NRXN3: variants seen among roughly 807,000 people sequenced by gnomAD.
NRXN3 encodes neurexin 3, also known as neurexin III.
Under a neutral mutation model 137.6 loss-of-function variants are expected in NRXN3, and 32 were observed. That is an observed-to-expected ratio of 0.23 (90% CI 0.18 to 0.31). NRXN3 has a LOEUF of 0.31. NRXN3 is among the 10% of genes least tolerant of loss of function. The probability of loss-of-function intolerance (pLI) is 1.00; values close to 1 mark genes in which losing one functional copy is unlikely to be tolerated. For missense variants in NRXN3, 1,574 were observed against 2,062.5 expected, an observed-to-expected ratio of 0.76 and a Z score of 4.59; for synonymous variants, 798 against 784.5, an observed-to-expected ratio of 1.02 and a Z score of -0.29.
intron 15 of NRXN3, among the ~76,000 whole-genome samples, chr14:79,115,357 C>T (rs2054269446): frequency 6.7e-6 from 1 of 148,282 alleles, no homozygotes; most frequent in African/African-American, 2.5e-5. Context: ...AAAGCCCAAA[C>T]TAAACATATC....
At chr14:78,680,436 AC>A (rs2098062795) in intron 6 of NRXN3, among the ~76,000 whole-genome samples, 1 of 152,210 alleles carries the variant, frequency 6.6e-6, no homozygotes, top group Non-Finnish European at 1.5e-5. Flanking sequence ...CATATTGTAA[AC>A]CTTAAAAAAT....
chr14:79,335,761 C>T (rs1318438237), intron 15 of NRXN3, among the ~76,000 whole-genome samples: 1 of 151,942 alleles, frequency 6.6e-6, no homozygotes. Context: ...TTTTATATAA[C>T]CCCAGCTGCT....
chr14:79,607,673 A>ATT lies in NRXN3; in HGVS notation c.3445-56089_3445-56088dup, dbSNP rs10714829. On this transcript the variant is annotated intron_variant, in intron 16 of 20. Transcript: ENST00000335750. ...CCACATATTTAAATGTTAATCTACA[A>ATT]TTTTTTTTTTTTTTTTTGAGACAGG... 4.3e-3 allele frequency among the ~76,000 whole-genome samples: 616 copies of ATT among 141,628 alleles called. 4 individuals are homozygous for ATT. The highest frequency in any genetic ancestry group is 0.01 in the African/African-American group (390 of 38,272). 92.9% of individuals were successfully genotyped at this position (141,628 alleles called of 152,430 possible).
intron 19 of NRXN3, among the ~76,000 whole-genome samples, chr14:79,736,726 C>G (rs10140468): frequency 0.056 from 8,524 of 152,128 alleles, 797 homozygotes; most frequent in African/African-American, 0.2. Flanking sequence ...GTGAGGATGT[C>G]GAGTGAATGA....
At chr14:79,303,607 G>T (rs1189558883) in intron 15 of NRXN3, among the ~76,000 whole-genome samples, 1 of 151,976 alleles carries the variant, frequency 6.6e-6, no homozygotes, top group Non-Finnish European at 1.5e-5. Context: ...ATCAACTGAG[G>T]TCAGAAGTTG....
At chr14:78,655,555 C>T (rs1023476873) in intron 6 of NRXN3, among the ~76,000 whole-genome samples, 2 of 152,112 alleles carry the variant, frequency 1.3e-5, no homozygotes, top group African/African-American at 4.8e-5. Context: ...ATTTATTTGA[C>T]ACTATGTTTT....
At chr14:79,452,346 C>T (rs1489697671) in intron 15 of NRXN3, among the ~76,000 whole-genome samples, 1 of 152,104 alleles carries the variant, frequency 6.6e-6, no homozygotes, top group African/African-American at 2.4e-5. Flanking sequence ...ACTGGTGTGT[C>T]TGAATACATC....
chr14:78,938,905 C>T (rs2099347469), intron 10 of NRXN3, among the ~76,000 whole-genome samples: 1 of 145,110 alleles, frequency 6.9e-6, no homozygotes, highest in African/African-American at 2.6e-5. Flanking sequence ...AGTGCAGTGG[C>T]GCAATCTCGG....
intron 4 of NRXN3, among the ~76,000 whole-genome samples, chr14:78,319,032 T>A (rs940104329): frequency 7.9e-5 from 12 of 152,206 alleles, no homozygotes; most frequent in Admixed American, 2.0e-4. Flanking sequence ...GTTGCTGGTA[T>A]GTGGACCATT....
intron 10 of NRXN3, among the ~76,000 whole-genome samples, chr14:78,867,713 C>A (rs2099090717): frequency 6.6e-6 from 1 of 152,110 alleles, no homozygotes; most frequent in South Asian, 2.1e-4. Context: ...AGAATCTGAA[C>A]AAGTAGGCCT....
At chr14:79,809,335 C>T (rs928217269) in intron 20 of NRXN3, among the ~76,000 whole-genome samples, 6 of 152,144 alleles carry the variant, frequency 3.9e-5, no homozygotes, top group South Asian at 2.1e-4. Flanking sequence ...GACAGGGTTT[C>T]GCCATGTTGG....
intron 4 of NRXN3, among the ~76,000 whole-genome samples, chr14:78,315,579 C>T (rs569818822): frequency 2.2e-4 from 33 of 152,206 alleles, no homozygotes; most frequent in African/African-American, 7.7e-4. Context: ...TTATGTATAC[C>T]AAATCTATTT....
intron 15 of NRXN3, among the ~76,000 whole-genome samples, chr14:79,239,987 A>C (rs184527101): frequency 7.9e-5 from 12 of 152,246 alleles, no homozygotes; most frequent in Admixed American, 7.9e-4. Context: ...AGAATAGAAT[A>C]GTGGTTACCA....
At chr14:79,455,148 G>A (rs561191357) in intron 15 of NRXN3, among the ~76,000 whole-genome samples, 2 of 152,280 alleles carry the variant, frequency 1.3e-5, no homozygotes, top group South Asian at 2.1e-4. Context: ...TAGTTCTGGC[G>A]GCTGAGAAGT....
intron 16 of NRXN3, among the ~76,000 whole-genome samples, chr14:79,600,837 C>G (rs892545498): frequency 6.6e-6 from 1 of 151,038 alleles, no homozygotes; most frequent in Non-Finnish European, 1.5e-5. Flanking sequence ...AAGATGAGCC[C>G]GGAGAATCTG....
At chr14:78,839,933 A>G (rs2099007373) in intron 10 of NRXN3, among the ~76,000 whole-genome samples, 1 of 152,206 alleles carries the variant, frequency 6.6e-6, no homozygotes, top group South Asian at 2.1e-4. Flanking sequence ...TAATGTTTTT[A>G]TGCTTCCTTT....
At chr14:78,975,291 A>G (rs1234133373) in intron 14 of NRXN3, among the ~76,000 whole-genome samples, 1 of 151,812 alleles carries the variant, frequency 6.6e-6, no homozygotes, top group Non-Finnish European at 1.5e-5. Context: ...TGCTCAGGGG[A>G]TATCTTCTCA....
chr14:78,234,996 A>ATATATATATATATATATATATATATG (rs1387012313), intron 1 of NRXN3, among the ~76,000 whole-genome samples: 1 of 23,410 alleles, frequency 4.3e-5, no homozygotes, highest in African/African-American at 3.4e-4. Flanking sequence ...AAATGCTTTT[A>ATATATATATATATATATATATATATG]TATATATATA....
chr14:78,979,011 T>G (rs957594561), intron 14 of NRXN3, among the ~76,000 whole-genome samples: 1 of 151,896 alleles, frequency 6.6e-6, no homozygotes, highest in African/African-American at 2.4e-5. Flanking sequence ...CTAGAGAATA[T>G]GGCTATCTCA....
Sources: allele counts gnomAD v4.1 joint callset (sites outside exome capture counted in the v4.1 genomes callset), GRCh38; gene constraint gnomAD v4.1.1; transcripts MANE v1.5; gene names NCBI Gene and HGNC (gene_info 2026-07-23, HGNC 2026-07-21).